INPP4B: variants seen among roughly 807,000 people sequenced by gnomAD.
The protein encoded by INPP4B is inositol polyphosphate-4-phosphatase type II B.
Under a neutral mutation model 122.5 loss-of-function variants are expected in INPP4B, and 55 were observed. The ratio of observed to expected loss-of-function variants is 0.45; its 90% CI spans 0.36 to 0.56. The LOEUF is 0.56. Among genes scored for constraint, INPP4B ranks in the 20% least tolerant of loss-of-function variants. The pLI is 0.00. For synonymous variants in INPP4B, 403 were observed against 388.7 expected (o/e 1.04, Z -0.43); for missense variants, 1,000 against 1,097.7 (o/e 0.91, Z 1.26).
chr4:142,662,286 C>T lies in INPP4B; in HGVS notation c.-191+63553G>A, dbSNP rs138660454. Among the ~76,000 whole-genome samples, 405 of 152,044 alleles carry T rather than the reference C, an allele frequency of 2.7e-3. 6 individuals are homozygous for T. The highest frequency in any genetic ancestry group is 0.018 in the East Asian group (95 of 5,160). ...GTGGGAGAGGTTGAACAAAGTTTGA[C>T]CACTGCACATGTGTGGTCATGTTCT... On this transcript the variant is annotated intron_variant, in intron 2 of 25. Transcript: ENST00000262992.
intron 12 of INPP4B, among the ~76,000 whole-genome samples, chr4:142,217,771 C>T (rs150926397): frequency 7.1e-4 from 108 of 152,278 alleles, no homozygotes; most frequent in African/African-American, 2.4e-3. Context: ...GCCCACTGCC[C>T]TCTCTAATTT....
chr4:142,838,302 T>C (rs1275108044), intron 1 of INPP4B, among the ~76,000 whole-genome samples: 1 of 151,982 alleles, frequency 6.6e-6, no homozygotes, highest in Non-Finnish European at 1.5e-5. Context: ...GGCTTTTCTC[T>C]ACTTCCCATT....
In INPP4B at chr4:142,364,193, C is replaced by A. The variant is rs559643715; in HGVS notation, c.372+38745G>T. Among the ~76,000 whole-genome samples, 14 of 152,062 alleles carry A rather than the reference C, an allele frequency of 9.2e-5. 1 individual carries two copies. In the South Asian group the frequency reaches 2.9e-3, roughly 32 times the overall value. ...GGTGATTAATGTGTAATGCTAAGAA[C>A]AGAAAGAATAAAAGTACCCCATATT... On this transcript the variant is annotated intron_variant, in intron 7 of 25. Transcript: ENST00000262992.
intron 2 of INPP4B, among the ~76,000 whole-genome samples, chr4:142,523,409 G>T (rs1268801643): frequency 6.6e-6 from 1 of 152,078 alleles, no homozygotes; most frequent in Non-Finnish European, 1.5e-5. Context: ...CACTTGTCAT[G>T]CAAAGGGCTG....
intron 23 of INPP4B, among the ~76,000 whole-genome samples, chr4:142,104,296 G>T (rs1220618647): frequency 1.3e-5 from 2 of 152,136 alleles, no homozygotes; most frequent in Non-Finnish European, 2.9e-5. Context: ...AGCAGTTTGT[G>T]TTAGTGATTT....
chr4:142,256,671 T>C (rs1379622338), intron 11 of INPP4B, among the ~76,000 whole-genome samples: 2 of 152,196 alleles, frequency 1.3e-5, no homozygotes, highest in East Asian at 3.9e-4. Context: ...GTTGAATCTC[T>C]GAATAGACCA....
At position 142,650,878 on chromosome 4, in the gene INPP4B, A is replaced by G. The variant is rs188761414; in HGVS notation, c.-191+74961T>C. ...GCTCTGGATCAAGCGGACCTAATAG[A>G]CATCTACAGAACTCTCCAGCCCAAA... On this transcript the variant is annotated intron_variant, in intron 2 of 25. Coordinates refer to ENST00000262992, the MANE Select transcript of INPP4B (RefSeq NM_001101669.3). Among the ~76,000 whole-genome samples the G allele has an allele frequency of 5.2e-4, 79 of 152,324 alleles. No homozygotes were observed. The Middle Eastern group carries it at 0.017, about 33-fold the overall frequency.
chr4:142,515,954 C>A (rs1454142217), intron 2 of INPP4B, among the ~76,000 whole-genome samples: 1 of 152,030 alleles, frequency 6.6e-6, no homozygotes, highest in East Asian at 1.9e-4. Flanking sequence ...TTTTTTCTAC[C>A]ATTATGTGCA....
chr4:142,476,386 CTT>C (rs1182025200), intron 2 of INPP4B, among the ~76,000 whole-genome samples: 2 of 152,174 alleles, frequency 1.3e-5, no homozygotes, highest in East Asian at 1.9e-4. Context: ...CAAAAACACA[CTT>C]AAGTACATAA....
chr4:142,609,704 T>C (rs1742061724), intron 2 of INPP4B, among the ~76,000 whole-genome samples: 1 of 152,210 alleles, frequency 6.6e-6, no homozygotes, highest in Admixed American at 6.6e-5. Context: ...AAACCACTTA[T>C]CTGCTTAGTT....
intron 15 of INPP4B, among the ~76,000 whole-genome samples, chr4:142,185,398 GTA>G (rs386401711): frequency 0.12 from 16,982 of 146,884 alleles, 1,560 homozygotes; most frequent in African/African-American, 0.25. Context: ...ATGTGTGTGT[GTA>G]TATATATATA....
intron 2 of INPP4B, among the ~76,000 whole-genome samples, chr4:142,623,271 A>G (rs920237921): frequency 3.9e-5 from 6 of 152,062 alleles, no homozygotes; most frequent in East Asian, 1.9e-4. Context: ...TCTCCCTAAC[A>G]GGGTGGTGAA....
At chr4:142,098,052 A>G (rs1296762966) in intron 23 of INPP4B, among the ~76,000 whole-genome samples, 2 of 152,186 alleles carry the variant, frequency 1.3e-5, no homozygotes, top group African/African-American at 4.8e-5. Context: ...AGAGATTGCA[A>G]TTTTAAAGAG....
At chr4:142,740,129 C>T (rs1767691008) in intron 1 of INPP4B, among the ~76,000 whole-genome samples, 3 of 151,890 alleles carry the variant, frequency 2.0e-5, no homozygotes, top group Admixed American at 1.3e-4. Context: ...TAGGATTCAA[C>T]AATTTTGATG....
chr4:142,712,041 C>G (rs1396259362), intron 2 of INPP4B, among the ~76,000 whole-genome samples: 1 of 152,064 alleles, frequency 6.6e-6, no homozygotes, highest in South Asian at 2.1e-4. Context: ...GAGTGAGACT[C>G]TGTCTCAAAA....
intron 2 of INPP4B, among the ~76,000 whole-genome samples, chr4:142,725,418 T>C (rs1224130632): frequency 6.6e-6 from 1 of 152,082 alleles, no homozygotes; most frequent in Non-Finnish European, 1.5e-5. Flanking sequence ...TTCAAAAAAA[T>C]ACATAAAGTC....
chr4:142,424,867 G>A (rs998600392), intron 5 of INPP4B, among the ~76,000 whole-genome samples: 3 of 151,946 alleles, frequency 2.0e-5, no homozygotes, highest in Non-Finnish European at 4.4e-5. Context: ...AGATATAATT[G>A]TGATGTGTTT....
chr4:142,843,170 C>T (rs1281815299), intron 1 of INPP4B, among the ~76,000 whole-genome samples: 1 of 151,258 alleles, frequency 6.6e-6, no homozygotes, highest in Non-Finnish European at 1.5e-5. Flanking sequence ...ATATACTGCT[C>T]TAAAGTTTTA....
At chr4:142,803,985 G>A (rs1017656389) in intron 1 of INPP4B, among the ~76,000 whole-genome samples, 6 of 151,774 alleles carry the variant, frequency 4.0e-5, no homozygotes, top group African/African-American at 1.2e-4. Context: ...CTTGAACCCG[G>A]GAGGTGGAGG....
Sources: gnomAD v4.1 joint callset for allele counts (sites outside exome capture counted in the v4.1 genomes callset) on GRCh38, gnomAD v4.1.1 for gene constraint, MANE v1.5 for transcripts, NCBI Gene and HGNC (gene_info 2026-07-23, HGNC 2026-07-21) for gene names.